RIGI: variants seen among roughly 807,000 people sequenced by gnomAD.
RIGI encodes the protein RNA sensor RIG-I, also known as antiviral innate immune response receptor RIG-I.
chr9:32,467,795 C>T, the RIGI span: 6 of 1,603,498 alleles, frequency 3.7e-6, no homozygotes, highest in Non-Finnish European at 5.1e-6. Flanking sequence ...ACATTGCCCA[C>T]ATACTCATAA....
the RIGI span, among the ~76,000 whole-genome samples, chr9:32,506,988 G>C: frequency 2.6e-5 from 4 of 152,106 alleles, no homozygotes; most frequent in Non-Finnish European, 2.9e-5. Context: ...AGCTATACTT[G>C]TTTAGATTTT....
chr9:32,478,269 T>C, the RIGI span, among the ~76,000 whole-genome samples: 1 of 152,202 alleles, frequency 6.6e-6, no homozygotes. Context: ...GGTCTTGAAC[T>C]CCTGACCTCA....
At chr9:32,520,009 C>T in the RIGI span, among the ~76,000 whole-genome samples, 1 of 151,980 alleles carries the variant, frequency 6.6e-6, no homozygotes, top group Non-Finnish European at 1.5e-5. Flanking sequence ...TTCAAAATAG[C>T]TGAAAAGAAA....
the RIGI span, among the ~76,000 whole-genome samples, chr9:32,472,158 A>G: frequency 6.6e-6 from 1 of 152,180 alleles, no homozygotes; most frequent in Non-Finnish European, 1.5e-5. Context: ...TTAAAATTGT[A>G]AAATACATAA....
At chr9:32,493,373 C>A in the RIGI span, among the ~76,000 whole-genome samples, 2 of 152,170 alleles carry the variant, frequency 1.3e-5, no homozygotes, top group African/African-American at 4.8e-5. Context: ...CGCCTGTAAT[C>A]CCAGCACTTT....
the RIGI span, chr9:32,472,938 C>T: frequency 1.4e-5 from 20 of 1,446,498 alleles, no homozygotes; most frequent in Non-Finnish European, 1.9e-5. Context: ...TTCTTAAATG[C>T]ATAATCCACT....
the RIGI span, among the ~76,000 whole-genome samples, chr9:32,516,811 T>G: frequency 6.6e-6 from 1 of 152,184 alleles, no homozygotes; most frequent in African/African-American, 2.4e-5. Context: ...TGGGATCGGC[T>G]TCTCTCAATT....
chr9:32,500,974 C>T, the RIGI span: 1 of 1,608,316 alleles, frequency 6.2e-7, no homozygotes, highest in Non-Finnish European at 8.5e-7. Flanking sequence ...CATCAAACTG[C>T]AGAACTATTA....
chr9:32,482,566 A>G, the RIGI span, among the ~76,000 whole-genome samples: 1 of 152,128 alleles, frequency 6.6e-6, no homozygotes, highest in African/African-American at 2.4e-5. Context: ...AGGATATATA[A>G]AAGCAGGAGA....
chr9:32,485,290 CAAAA>C, the RIGI span: 1 of 1,312,386 alleles, frequency 7.6e-7, no homozygotes, highest in Non-Finnish European at 1.0e-6. Context: ...CTAGAGACGT[CAAAA>C]AAAAAAGAAA....
chr9:32,492,398 T>G, the RIGI span: 1 of 1,614,150 alleles, frequency 6.2e-7, no homozygotes, highest in Non-Finnish European at 8.5e-7. Flanking sequence ...TACCTTTCTC[T>G]ACAATCCACA....
the RIGI span, among the ~76,000 whole-genome samples, chr9:32,464,095 C>A: frequency 6.6e-6 from 1 of 151,762 alleles, no homozygotes; most frequent in Non-Finnish European, 1.5e-5. Flanking sequence ...CACACACAGA[C>A]AATGGACAGT....
At chr9:32,492,321 A>AT in the RIGI span, 1 of 1,566,142 alleles carries the variant, frequency 6.4e-7, no homozygotes, top group Non-Finnish European at 8.7e-7. Context: ...AACGCCTCTG[A>AT]TGGGATGTAA....
the RIGI span, among the ~76,000 whole-genome samples, chr9:32,517,961 T>C: frequency 2.6e-5 from 4 of 152,288 alleles, no homozygotes; most frequent in Non-Finnish European, 5.9e-5. Flanking sequence ...TAAGAAAAGG[T>C]TATGATGTGG....
chr9:32,472,924 CAT>C, the RIGI span: 1 of 1,270,106 alleles, frequency 7.9e-7, no homozygotes, highest in Non-Finnish European at 1.1e-6. Flanking sequence ...CACACACACA[CAT>C]ATTCTTAAAT....
chr9:32,476,193 T>A, the RIGI span, among the ~76,000 whole-genome samples: 1 of 152,136 alleles, frequency 6.6e-6, no homozygotes, highest in Admixed American at 6.5e-5. Context: ...TCTACAAGTA[T>A]CAATACTTAC....
the RIGI span, among the ~76,000 whole-genome samples, chr9:32,509,480 CA>C: frequency 1.3e-5 from 2 of 152,184 alleles, no homozygotes; most frequent in East Asian, 3.9e-4. Context: ...GGACATCCAG[CA>C]AACTCCAGCA....
At chr9:32,482,551 AGAG>A in the RIGI span, among the ~76,000 whole-genome samples, 1 of 152,090 alleles carries the variant, frequency 6.6e-6, no homozygotes, top group Non-Finnish European at 1.5e-5. Flanking sequence ...GAGCTTCATC[AGAG>A]GAGGATATAT....
chr9:32,506,192 T>C, the RIGI span, among the ~76,000 whole-genome samples: 1 of 152,198 alleles, frequency 6.6e-6, no homozygotes. Flanking sequence ...CACTCCAGCA[T>C]AGGCAACAGA....
Sources: allele counts gnomAD v4.1 joint callset (sites outside exome capture counted in the v4.1 genomes callset), GRCh38; gene constraint gnomAD v4.1.1; transcripts MANE v1.5; gene names NCBI Gene and HGNC (gene_info 2026-07-23, HGNC 2026-07-21).